Variants in GPC5 observed in about 807,000 individuals in gnomAD.
The protein encoded by GPC5 is glypican 5, also known as glypican-5.
GPC5 carries 47 observed loss-of-function variants against 53.9 expected under a neutral mutation model. The observed-to-expected ratio is 0.87, with a 90% CI of 0.69 to 1.11. GPC5 has a LOEUF of 1.11. Ranked by LOEUF, GPC5 falls within the 50% of genes most tolerant of loss-of-function variation. The pLI is 0.00. For synonymous variants in GPC5, 286 were observed against 263.3 expected (o/e 1.09, Z -0.84); for missense variants, 748 against 713.1 (o/e 1.05, Z -0.56).
intron 7 of GPC5, among the ~76,000 whole-genome samples, chr13:92,193,743 C>T (rs2042239267): frequency 6.6e-6 from 1 of 152,202 alleles, no homozygotes; most frequent in Non-Finnish European, 1.5e-5. Flanking sequence ...CCCAGAAGTC[C>T]TGCATCCTTT....
intron 7 of GPC5, among the ~76,000 whole-genome samples, chr13:92,562,493 G>A (rs1882732014): frequency 6.6e-6 from 1 of 152,034 alleles, no homozygotes; most frequent in Non-Finnish European, 1.5e-5. Flanking sequence ...TCCTGTAAAA[G>A]GGAGGATGTA....
intron 5 of GPC5, among the ~76,000 whole-genome samples, chr13:91,770,736 G>GTGTA (rs1373559886): frequency 6.6e-6 from 1 of 151,064 alleles, no homozygotes; most frequent in Non-Finnish European, 1.5e-5. Context: ...GTGTGTGTGT[G>GTGTA]TGTATGCATA....
chr13:91,796,765 TG>T (rs2038053367), intron 5 of GPC5, among the ~76,000 whole-genome samples: 1 of 152,184 alleles, frequency 6.6e-6, no homozygotes, highest in African/African-American at 2.4e-5. Flanking sequence ...AGCTTTTTTT[TG>T]TTTCTTTTGG....
At chr13:91,710,946 A>G (rs901476613) in intron 3 of GPC5, among the ~76,000 whole-genome samples, 3 of 152,238 alleles carry the variant, frequency 2.0e-5, no homozygotes, top group African/African-American at 7.2e-5. Flanking sequence ...TTCCACGCAG[A>G]TCATGTCAAA....
intron 6 of GPC5, among the ~76,000 whole-genome samples, chr13:91,975,341 A>G (rs1044378012): frequency 3.4e-4 from 51 of 152,226 alleles, no homozygotes; most frequent in African/African-American, 1.1e-3. Context: ...GCAACCTACA[A>G]AATGGGAGAA....
At chr13:92,518,020 C>G (rs1183303848) in intron 7 of GPC5, among the ~76,000 whole-genome samples, 1 of 152,174 alleles carries the variant, frequency 6.6e-6, no homozygotes, top group African/African-American at 2.4e-5. Flanking sequence ...ACGAGAACTA[C>G]GTGATGAATG....
intron 7 of GPC5, among the ~76,000 whole-genome samples, chr13:92,712,471 A>C (rs889943061): frequency 2.0e-4 from 31 of 152,078 alleles, no homozygotes; most frequent in Non-Finnish European, 1.9e-4. Flanking sequence ...AAACAAAAAA[A>C]AAACGGCAAA....
At chr13:91,762,274 A>G (rs1289843110) in intron 5 of GPC5, among the ~76,000 whole-genome samples, 1 of 151,820 alleles carries the variant, frequency 6.6e-6, no homozygotes, top group African/African-American at 2.4e-5. Flanking sequence ...CACCCAGGCA[A>G]TGACAGTTTT....
intron 7 of GPC5, among the ~76,000 whole-genome samples, chr13:92,494,107 T>A (rs1218781982): frequency 6.7e-6 from 1 of 149,972 alleles, no homozygotes; most frequent in African/African-American, 2.4e-5. Flanking sequence ...TTTGTTTTTT[T>A]GAGACGGAGT....
At chr13:91,660,101 T>C (rs1300386467) in intron 2 of GPC5, among the ~76,000 whole-genome samples, 2 of 152,126 alleles carry the variant, frequency 1.3e-5, no homozygotes, top group Admixed American at 1.3e-4. Flanking sequence ...TGTGGTTGGT[T>C]AGGGGAAACA....
chr13:92,419,166 G>C (rs1297956905), intron 7 of GPC5, among the ~76,000 whole-genome samples: 1 of 152,128 alleles, frequency 6.6e-6, no homozygotes, highest in South Asian at 2.1e-4. Flanking sequence ...ACTGCCACCT[G>C]GGTCATCAAA....
intron 7 of GPC5, among the ~76,000 whole-genome samples, chr13:92,449,381 G>A (rs1292857566): frequency 1.3e-5 from 2 of 152,100 alleles, no homozygotes; most frequent in East Asian, 3.9e-4. Flanking sequence ...GAGTCACATG[G>A]AGTAATTAAA....
At chr13:92,545,992 A>G (rs1378079084) in intron 7 of GPC5, among the ~76,000 whole-genome samples, 3 of 151,950 alleles carry the variant, frequency 2.0e-5, no homozygotes, top group Admixed American at 2.0e-4. Flanking sequence ...TGAAGTCCTT[A>G]CCCATGCCTA....
At chr13:92,443,538 T>C (rs1303611283) in intron 7 of GPC5, among the ~76,000 whole-genome samples, 3 of 136,584 alleles carry the variant, frequency 2.2e-5, no homozygotes, top group Admixed American at 7.5e-5. Context: ...AATATACTTG[T>C]GTTACAAAAA....
Position 91,562,337 on chromosome 13 carries a change from C to T in GPC5, c.325+113415C>T, listed in dbSNP as rs111888400. ...AAGTACAGCATGAAAATTCATTCAA[C>T]GATGTGTGTGCAGTCACCTTCATAA... On this transcript the variant is annotated intron_variant, in intron 2 of 7. Transcript: ENST00000377067. Among the ~76,000 whole-genome samples, 1,095 of 152,034 alleles carry T rather than the reference C, an allele frequency of 7.2e-3. 12 individuals carry two copies. Among genetic ancestry groups the T allele is most frequent in the African/African-American group, 0.024 (987 of 41,476 alleles).
chr13:92,204,140 T>C (rs1244083541), intron 7 of GPC5, among the ~76,000 whole-genome samples: 1 of 152,114 alleles, frequency 6.6e-6, no homozygotes, highest in Non-Finnish European at 1.5e-5. Flanking sequence ...AAAACTTCTA[T>C]TAAATACTAA....
chr13:91,543,919 T>TA (rs1379881164), intron 2 of GPC5, among the ~76,000 whole-genome samples: 2 of 152,204 alleles, frequency 1.3e-5, no homozygotes, highest in Non-Finnish European at 2.9e-5. Flanking sequence ...TGCTAAATTA[T>TA]AAAATATAGC....
intron 2 of GPC5, among the ~76,000 whole-genome samples, chr13:91,518,757 G>A (rs1224076263): frequency 6.6e-6 from 1 of 152,144 alleles, no homozygotes; most frequent in Non-Finnish European, 1.5e-5. Flanking sequence ...GTTTCACAGT[G>A]TTAGCCAGGA....
At chr13:91,926,359 TAAA>T (rs34690525) in intron 6 of GPC5, among the ~76,000 whole-genome samples, 13 of 96,302 alleles carry the variant, frequency 1.3e-4, no homozygotes, top group Admixed American at 3.6e-4. Context: ...AGACTCCACC[TAAA>T]AAAAAAAAAA....
Sources: allele counts gnomAD v4.1 joint callset (sites outside exome capture counted in the v4.1 genomes callset), GRCh38; gene constraint gnomAD v4.1.1; transcripts MANE v1.5; gene names NCBI Gene and HGNC (gene_info 2026-07-23, HGNC 2026-07-21).